The following TDP1 variants were observed in gnomAD, a reference collection of about 807,000 sequenced individuals.
TDP1 encodes tyrosyl-DNA phosphodiesterase 1.
In TDP1, 64 loss-of-function variants were observed where a neutral mutation model predicts 81.5. The ratio of observed to expected loss-of-function variants is 0.79; its 90% CI spans 0.64 to 0.97. The LOEUF is 0.97. Among genes scored for constraint, TDP1 ranks in the 50% least tolerant of loss-of-function variants. The pLI, the probability that TDP1 is intolerant of heterozygous loss-of-function variation, is 0.00. For synonymous variants in TDP1, 256 were observed against 264.3 expected, an observed-to-expected ratio of 0.97 and a Z score of 0.30; for missense variants, 723 against 743.8, an observed-to-expected ratio of 0.97 and a Z score of 0.33.
intron 14 of TDP1, among the ~76,000 whole-genome samples, chr14:89,997,869 C>T (rs1241141890): frequency 6.6e-6 from 1 of 152,146 alleles, no homozygotes; most frequent in Admixed American, 6.5e-5. Flanking sequence ...CACATAACTA[C>T]TGAGCACCTA....
At position 89,980,625 on chromosome 14, in the gene TDP1, ACT is replaced by A. The variant is rs747835419; in HGVS notation, c.879_880del (p.Gln294ArgfsTer13). 1 of 1,613,786 alleles carries A rather than the reference ACT, an allele frequency of 6.2e-7. No homozygotes were observed. Among genetic ancestry groups the A allele is most frequent in the Non-Finnish European group, 8.5e-7 (1 of 1,179,886 alleles). ...NLIHADWHQK[T>X]QGIWLSPLYP... ...CATCCATGCTGACTGGCACCAGAAA[ACT>A]CAAGGGTTCGTAGGGGCCTGCTCAC... On this transcript the variant is annotated frameshift_variant, in exon 8 of 17. Coordinates refer to ENST00000335725, the MANE Select transcript of TDP1 (RefSeq NM_018319.4). LOFTEE classifies it high-confidence loss of function.
Position 90,032,674 on chromosome 14 carries a change from A to G in TDP1, c.1645-432A>G. Reference sequence around the variant, plus strand: ...TGTCACATTATATTGGAACACTTTCATTATACATGAAAGCAGCTTTTATTT... The same window carrying G: ...TGTCACATTATATTGGAACACTTTCGTTATACATGAAAGCAGCTTTTATTT... On this transcript the variant is annotated intron_variant, in intron 15 of 16. Transcript: ENST00000335725. The G allele has an allele frequency of 4.5e-6, 4 of 892,308 alleles. No individual in the cohort carries two copies. The South Asian group carries it at 2.1e-4, about 46-fold the overall frequency. 55.3% of individuals were successfully genotyped at this position (892,308 alleles called of 1,614,324 possible).
At chr14:89,990,787 T>C (rs973150742) in intron 12 of TDP1, among the ~76,000 whole-genome samples, 2 of 152,112 alleles carry the variant, frequency 1.3e-5, no homozygotes, top group African/African-American at 2.4e-5. Flanking sequence ...CTATTTGATA[T>C]GTCAGAGATG....
chr14:89,980,224 C>T (rs537779596), intron 7 of TDP1: 135 of 985,278 alleles, frequency 1.4e-4, no homozygotes, highest in Admixed American at 6.8e-4. Context: ...AAGGTTCCAA[C>T]GGTCCCTAGT....
rs1300536228 is a variant in TDP1, at chr14:90,043,509, G to A, written c.*366G>A. 5 of 340,006 alleles carry A rather than the reference G, an allele frequency of 1.5e-5. No individual in the cohort carries two copies. The East Asian group carries it at 3.5e-4, about 23-fold the overall frequency. 21.1% of individuals were successfully genotyped at this position (340,006 alleles called of 1,614,324 possible). A position where few individuals can be genotyped will look rare whatever the true frequency, so the allele number is the denominator to read the frequency against. On this transcript the variant is annotated 3_prime_UTR_variant, in exon 17 of 17. Transcript: ENST00000335725. The stretch of plus-strand genomic sequence containing the variant: ...TAGCATAATGAGATATCTTGGGAAT[G>A]GGACCCAAATCTAAACACAAAATTC...
At chr14:89,983,426 G>T in intron 8 of TDP1, 1 of 204,242 alleles carries the variant, frequency 4.9e-6, no homozygotes, top group East Asian at 1.5e-4. Context: ...AAGATGTACG[G>T]CCGAGAGTCC....
At chr14:90,026,318 C>T (rs966612957) in intron 15 of TDP1, among the ~76,000 whole-genome samples, 5 of 152,242 alleles carry the variant, frequency 3.3e-5, no homozygotes, top group African/African-American at 1.2e-4. Flanking sequence ...CAGGAGGCCA[C>T]AGCCGGGCAA....
At chr14:90,042,886 G>C (rs35424802) in intron 16 of TDP1, 184 bp from the exon 17 acceptor site, 172 of 985,418 alleles carry the variant, frequency 1.7e-4, no homozygotes, top group Non-Finnish European at 2.0e-4. Flanking sequence ...CACTCACCTA[G>C]TGTCCTAATA....
At chr14:89,955,073 C>G (rs940842915), upstream of TDP1, 6 of 187,886 alleles carry the variant, frequency 3.2e-5, no homozygotes, top group Non-Finnish European at 5.5e-5. Context: ...TGACACTATG[C>G]TAAACGTTAT....
intron 14 of TDP1, among the ~76,000 whole-genome samples, chr14:89,998,370 CATTATATATATA>C (rs1362058057): frequency 2.7e-4 from 27 of 98,294 alleles, no homozygotes; most frequent in African/African-American, 1.1e-3. Flanking sequence ...GTTCCAAGCA[CATTATATATATA>C]TATATATATA....
intron 14 of TDP1, among the ~76,000 whole-genome samples, chr14:90,011,279 A>G (rs556427561): frequency 1.2e-4 from 18 of 152,320 alleles, no homozygotes; most frequent in African/African-American, 4.3e-4. Flanking sequence ...ACAGACTGTT[A>G]TAGTAAATTG....
chr14:90,039,825 GAATT>G (rs1055222370), intron 16 of TDP1, among the ~76,000 whole-genome samples: 2 of 152,154 alleles, frequency 1.3e-5, no homozygotes, highest in Non-Finnish European at 2.9e-5. Context: ...CACTTGACAT[GAATT>G]AATTCATTGT....
intron 15 of TDP1, among the ~76,000 whole-genome samples, chr14:90,031,511 G>A (rs527307095): frequency 1.3e-5 from 2 of 151,932 alleles, no homozygotes; most frequent in South Asian, 4.2e-4. Context: ...ACAAAAATCT[G>A]CCAGGCATGG....
At chr14:89,998,793 G>A (rs1162131972) in intron 14 of TDP1, among the ~76,000 whole-genome samples, 4 of 152,060 alleles carry the variant, frequency 2.6e-5, no homozygotes, top group East Asian at 3.9e-4. Flanking sequence ...CAAAGTGAGT[G>A]TTACTGGAGT....
intron 5 of TDP1, among the ~76,000 whole-genome samples, chr14:89,969,755 G>A (rs1327685375): frequency 6.6e-6 from 1 of 152,146 alleles, no homozygotes; most frequent in Admixed American, 6.5e-5. Context: ...CTTTGTGAAT[G>A]GTAGAGAATC....
chr14:89,984,795 C>G, intron 9 of TDP1, 112 bp downstream of exon 9: 19 of 1,594,804 alleles, frequency 1.2e-5, no homozygotes, highest in Non-Finnish European at 1.5e-5. Context: ...TCTAGCCAAG[C>G]TTCAGGATGT....
At chr14:90,011,591 T>C (rs1305383634) in intron 14 of TDP1, among the ~76,000 whole-genome samples, 2 of 152,190 alleles carry the variant, frequency 1.3e-5, no homozygotes, top group African/African-American at 2.4e-5. Flanking sequence ...AACTGGGGCA[T>C]AGGGGACTCT....
At chr14:90,037,889 C>T (rs1887983750) in intron 16 of TDP1, among the ~76,000 whole-genome samples, 1 of 152,216 alleles carries the variant, frequency 6.6e-6, no homozygotes, top group Admixed American at 6.5e-5. Context: ...TAATTTGGAA[C>T]AGTTCCACAA....
At chr14:90,032,944 G>C in intron 15 of TDP1, 162 bp from the exon 16 acceptor site, 2 of 795,420 alleles carry the variant, frequency 2.5e-6, no homozygotes, top group Non-Finnish European at 3.0e-6. Flanking sequence ...GGGGCGGGGG[G>C]GTTGTAAATA....
Sources: gnomAD v4.1 joint callset for allele counts (sites outside exome capture counted in the v4.1 genomes callset) on GRCh38, gnomAD v4.1.1 for gene constraint, MANE v1.5 for transcripts, NCBI Gene and HGNC (gene_info 2026-07-23, HGNC 2026-07-21) for gene names.